The following SLC22A15 variants were observed in gnomAD, a reference collection of about 807,000 sequenced individuals.
SLC22A15 encodes the protein solute carrier family 22 member 15, also known as flipt 1.
Under a neutral mutation model 62.7 loss-of-function variants are expected in SLC22A15, and 45 were observed. That is an observed-to-expected ratio of 0.72 (90% confidence interval 0.56 to 0.92). The LOEUF is 0.92. Ranked by LOEUF, SLC22A15 falls within the 40% of genes least tolerant of loss-of-function variation. SLC22A15 has a pLI of 0.00. For missense variants in SLC22A15, 622 were observed against 665.6 expected, an observed-to-expected ratio of 0.93 and a Z score of 0.72; for synonymous variants, 264 against 267.0, an observed-to-expected ratio of 0.99 and a Z score of 0.11.
chr1:116,017,777 C>T, intron 2 of SLC22A15: 1 of 161,584 alleles, frequency 6.2e-6, no homozygotes, highest in Non-Finnish European at 1.4e-5. Flanking sequence ...CCTGTCAGCA[C>T]TGATTCTAGC....
intron 5 of SLC22A15, among the ~76,000 whole-genome samples, chr1:116,028,240 T>C (rs1399753160): frequency 6.6e-6 from 1 of 152,108 alleles, no homozygotes; most frequent in African/African-American, 2.4e-5. Flanking sequence ...ATAAAATTTA[T>C]TAAATGTATT....
Position 116,027,027 on chromosome 1 carries a change from G to C in SLC22A15, c.728+5G>C. On this transcript the variant is annotated splice_donor_5th_base_variant and intron_variant, in intron 5 of 11. Transcript: ENST00000369503. ...GGTGGTCTTTCTCTTATCTTTGTAA[G>C]TAGTTTTTCCTCTTAGAGTTTTAAT... 1 of 1,612,396 alleles carries C rather than the reference G, an allele frequency of 6.2e-7. No individual in the cohort carries two copies. Among genetic ancestry groups the C allele is most frequent in the Non-Finnish European group, 8.5e-7 (1 of 1,179,308 alleles).
chr1:115,990,783 AGTCTTGCTCT>A (rs1255177133), intron 1 of SLC22A15, among the ~76,000 whole-genome samples: 3 of 152,052 alleles, frequency 2.0e-5, no homozygotes, highest in Non-Finnish European at 4.4e-5. Context: ...TTTGATACGG[AGTCTTGCTCT>A]GTCACCCAGG....
At chr1:116,062,903 C>T in intron 9 of SLC22A15, 21 bp downstream of exon 9, 4 of 1,611,974 alleles carry the variant, frequency 2.5e-6, no homozygotes, top group Non-Finnish European at 2.5e-6. Context: ...CACACAGCCT[C>T]ATTCTTCACA....
intron 1 of SLC22A15, among the ~76,000 whole-genome samples, chr1:115,985,183 A>G (rs1654798256): frequency 2.6e-5 from 4 of 152,190 alleles, no homozygotes; most frequent in Non-Finnish European, 5.9e-5. Context: ...TTACAGGTGT[A>G]CCATTTAAAA....
chr1:116,067,013 T>A lies in SLC22A15; in HGVS notation c.1555-6T>A, dbSNP rs1658515387. The A allele has an allele frequency of 1.2e-6, 2 of 1,608,164 alleles. No homozygotes were observed. The highest frequency in any genetic ancestry group is 1.7e-6 in the Non-Finnish European group (2 of 1,176,214). ...TTCACTGCCCTTTTCTTCTTTCCTG[T>A]TTCAGTGTGTGGACAAGGAGAGCTC... On this transcript the variant is annotated splice_region_variant and splice_polypyrimidine_tract_variant and intron_variant, in intron 11 of 11. Transcript: ENST00000369503.
intron 4 of SLC22A15, among the ~76,000 whole-genome samples, chr1:116,022,942 C>T (rs1249057255): frequency 2.0e-5 from 3 of 152,140 alleles, no homozygotes; most frequent in African/African-American, 4.8e-5. Flanking sequence ...TCTCATGAAC[C>T]GAGGTCTTCC....
intron 10 of SLC22A15, among the ~76,000 whole-genome samples, chr1:116,065,159 G>C (rs1023715870): frequency 3.3e-5 from 5 of 152,004 alleles, no homozygotes; most frequent in Admixed American, 6.6e-5. Context: ...TTTGATTTGT[G>C]ACTTTCCACA....
intron 8 of SLC22A15, among the ~76,000 whole-genome samples, chr1:116,059,692 A>G (rs970599113): frequency 1.3e-5 from 2 of 152,204 alleles, no homozygotes; most frequent in African/African-American, 2.4e-5. Flanking sequence ...GAGGACCTGT[A>G]CCTGTCTTAA....
rs930206731 is a variant in SLC22A15, at chr1:116,066,634, T to C, written c.1480T>C (p.Ser494Pro). ...TLNSPLLETF[S>P]DLQVYSYRRL... ...TAACAGTCCGCTGCTAGAAACATTC[T>C]CCGACCTTCAGGTGTATTCGTATCG... The change falls in exon 11 of 12, where the codon TCC becomes CCC. Residue 494 changes from serine to proline, a missense_variant. Physicochemically the swap from Ser to Pro is moderately conservative, Grantham distance 74 (BLOSUM62 -1). Coordinates refer to ENST00000369503, the MANE Select transcript of SLC22A15 (RefSeq NM_018420.3). 4 of 1,612,234 alleles carry C rather than the reference T, an allele frequency of 2.5e-6. No individual in the cohort carries two copies. The African/African-American group carries it at 5.3e-5, about 22-fold the overall frequency.
At position 116,066,568 on chromosome 1, in the gene SLC22A15, C is replaced by G; in HGVS notation, c.1414C>G (p.Leu472Val). The change falls in exon 11 of 12, where the codon CTG becomes GTG. Residue 472 changes from leucine (L) to valine (V), a missense_variant. Physicochemically the swap from Leu to Val is conservative, Grantham distance 32. Coordinates refer to ENST00000369503, the MANE Select transcript of SLC22A15 (RefSeq NM_018420.3). ...ATTCATTGTCTTCGGAGCCACGGGT[C>G]TGACCTCCGGCCTCCTGAGTTTGTT... ...LPFIVFGATG[L>V]TSGLLSLLLP... The G allele has an allele frequency of 2.5e-6, 4 of 1,607,788 alleles. No individual in the cohort carries two copies. The highest frequency in any genetic ancestry group is 3.4e-6 in the Non-Finnish European group (4 of 1,177,030).
At chr1:116,049,710 C>T (rs1658004771) in intron 8 of SLC22A15, among the ~76,000 whole-genome samples, 1 of 151,918 alleles carries the variant, frequency 6.6e-6, no homozygotes, top group African/African-American at 2.4e-5. Flanking sequence ...CAAGAACAAA[C>T]CAAACCCAAA....
intron 6 of SLC22A15, among the ~76,000 whole-genome samples, chr1:116,034,054 T>A (rs187037089): frequency 1.2e-4 from 18 of 152,230 alleles, no homozygotes; most frequent in African/African-American, 4.3e-4. Context: ...TCCTGACTGA[T>A]CTCATTATAG....
intron 2 of SLC22A15, among the ~76,000 whole-genome samples, chr1:115,993,699 G>A (rs191383483): frequency 2.6e-5 from 4 of 152,062 alleles, no homozygotes; most frequent in South Asian, 2.1e-4. Flanking sequence ...AATTCCTGAC[G>A]TTACTCTTCA....
At chr1:115,991,683 T>C (rs1274792253) in intron 1 of SLC22A15, among the ~76,000 whole-genome samples, 1 of 152,236 alleles carries the variant, frequency 6.6e-6, no homozygotes, top group Non-Finnish European at 1.5e-5. Flanking sequence ...AATGTTACTC[T>C]TTTAAATCAG....
intron 2 of SLC22A15, among the ~76,000 whole-genome samples, chr1:115,996,652 A>G (rs1655440926): frequency 2.0e-5 from 3 of 150,484 alleles, no homozygotes; most frequent in Admixed American, 1.3e-4. Flanking sequence ...GTTTATTGCT[A>G]GTATAGATAA....
intron 8 of SLC22A15, among the ~76,000 whole-genome samples, chr1:116,054,521 C>G (rs1173592195): frequency 6.6e-6 from 1 of 152,018 alleles, no homozygotes; most frequent in Admixed American, 6.6e-5. Flanking sequence ...AACAAGGATA[C>G]CCAGGAATTG....
At chr1:116,066,776 GTTAAA>G in intron 11 of SLC22A15, 68 bp downstream of exon 11, 1 of 1,434,500 alleles carries the variant, frequency 7.0e-7, no homozygotes, top group Non-Finnish European at 9.4e-7. Flanking sequence ...GAAGGTTTGC[GTTAAA>G]TTAAATAGAA....
chr1:116,045,104 C>A lies in SLC22A15; in HGVS notation c.1171+7716C>A, dbSNP rs187774902. On this transcript the variant is annotated intron_variant, in intron 8 of 11. Transcript: ENST00000369503. ...TCATGCCCAGGCTGGAGTGCAGTGG[C>A]GTGATCTCGGCTCACTGCAACCTCT... Among the ~76,000 whole-genome samples the A allele has an allele frequency of 5.8e-4, 88 of 152,120 alleles. No homozygotes were observed. The Middle Eastern group carries it at 0.02, about 35-fold the overall frequency.
Sources: allele counts gnomAD v4.1 joint callset (sites outside exome capture counted in the v4.1 genomes callset), GRCh38; gene constraint gnomAD v4.1.1; transcripts MANE v1.5; gene names NCBI Gene and HGNC (gene_info 2026-07-23, HGNC 2026-07-21).